Variants in EXOC6B observed in about 807,000 individuals in gnomAD.
EXOC6B encodes exocyst complex component 6B.
A neutral mutation model predicts 113.5 loss-of-function variants in EXOC6B; 54 were observed. That is an observed-to-expected ratio of 0.48 (90% CI 0.38 to 0.60). The LOEUF is 0.60. Among genes scored for constraint, EXOC6B ranks in the 20% least tolerant of loss-of-function variants. The pLI is 0.00. For missense variants in EXOC6B, 797 were observed against 977.5 expected (o/e 0.82, Z 2.46); for synonymous variants, 357 against 339.0 (o/e 1.05, Z -0.58).
intron 8 of EXOC6B, among the ~76,000 whole-genome samples, chr2:72,538,925 G>A (rs1702447684): frequency 6.6e-6 from 1 of 152,142 alleles, no homozygotes; most frequent in South Asian, 2.1e-4. Flanking sequence ...CTCTATGGAT[G>A]AGCCGCTTGA....
At chr2:72,507,604 A>G (rs1233988548) in intron 11 of EXOC6B, among the ~76,000 whole-genome samples, 1 of 152,108 alleles carries the variant, frequency 6.6e-6, no homozygotes, top group Admixed American at 6.6e-5. Context: ...ATGAAACTCC[A>G]TACATACCCT....
At chr2:72,824,277 T>C (rs113404038) in intron 1 of EXOC6B, among the ~76,000 whole-genome samples, 2,948 of 152,044 alleles carry the variant, frequency 0.019, 48 homozygotes, top group Non-Finnish European at 0.03. Flanking sequence ...TAGTCCCAGC[T>C]ACTCAGGAGG....
At chr2:72,322,638 A>G (rs1687901094) in intron 20 of EXOC6B, among the ~76,000 whole-genome samples, 2 of 152,224 alleles carry the variant, frequency 1.3e-5, no homozygotes, top group Non-Finnish European at 2.9e-5. Flanking sequence ...GTACCAAAAC[A>G]GATATATAGA....
At chr2:72,413,043 C>G (rs937600089) in intron 18 of EXOC6B, among the ~76,000 whole-genome samples, 3 of 152,200 alleles carry the variant, frequency 2.0e-5, no homozygotes, top group Admixed American at 1.3e-4. Flanking sequence ...ACTGCAGGCT[C>G]CGCCTCCCGG....
At chr2:72,682,673 G>A (rs2104550474) in intron 6 of EXOC6B, among the ~76,000 whole-genome samples, 1 of 152,218 alleles carries the variant, frequency 6.6e-6, no homozygotes, top group South Asian at 2.1e-4. Flanking sequence ...TAGTGACAAA[G>A]TTACTGAGTA....
intron 16 of EXOC6B, among the ~76,000 whole-genome samples, chr2:72,481,184 TAA>T (rs1029137097): frequency 9.2e-5 from 14 of 152,186 alleles, no homozygotes; most frequent in Non-Finnish European, 1.3e-4. Flanking sequence ...ACCATGATTA[TAA>T]GTTTCCTGAG....
At chr2:72,316,146 T>C (rs988313955) in intron 20 of EXOC6B, among the ~76,000 whole-genome samples, 2 of 152,168 alleles carry the variant, frequency 1.3e-5, no homozygotes, top group African/African-American at 4.8e-5. Context: ...CAAGCATGTA[T>C]TTACATTAAG....
intron 20 of EXOC6B, among the ~76,000 whole-genome samples, chr2:72,303,475 A>T (rs1686655926): frequency 6.6e-6 from 1 of 151,698 alleles, no homozygotes; most frequent in Non-Finnish European, 1.5e-5. Context: ...GTCTTATTTC[A>T]CAGAGCCAGT....
chr2:72,337,176 C>T (rs551787578), intron 19 of EXOC6B, among the ~76,000 whole-genome samples: 7 of 152,086 alleles, frequency 4.6e-5, no homozygotes, highest in Non-Finnish European at 1.0e-4. Context: ...CTATACTATG[C>T]TCCTGTTAAT....
chr2:72,468,261 G>A (rs989719246), intron 17 of EXOC6B, among the ~76,000 whole-genome samples: 2 of 151,300 alleles, frequency 1.3e-5, no homozygotes, highest in Non-Finnish European at 2.9e-5. Context: ...ATATTATTTT[G>A]TAGTAATTTT....
chr2:72,503,064 T>C (rs577982314), intron 11 of EXOC6B, among the ~76,000 whole-genome samples: 6 of 152,324 alleles, frequency 3.9e-5, no homozygotes, highest in South Asian at 4.1e-4. Context: ...TCCATCATTT[T>C]TCCCCTGTTA....
chr2:72,216,455 G>A (rs773402599), intron 20 of EXOC6B, among the ~76,000 whole-genome samples: 2 of 152,186 alleles, frequency 1.3e-5, no homozygotes. Context: ...CTGTTGGTGG[G>A]AATGTAAATT....
intron 1 of EXOC6B, among the ~76,000 whole-genome samples, chr2:72,774,503 T>C (rs575394356): frequency 3.3e-5 from 5 of 152,282 alleles, no homozygotes; most frequent in African/African-American, 9.6e-5. Context: ...TTTTTGAAGT[T>C]ACTAAAAAAA....
intron 16 of EXOC6B, among the ~76,000 whole-genome samples, chr2:72,481,825 A>T (rs1274105927): frequency 6.6e-6 from 1 of 151,232 alleles, no homozygotes; most frequent in Non-Finnish European, 1.5e-5. Flanking sequence ...AGTACTGGTT[A>T]AAAAAAAAGT....
In EXOC6B at chr2:72,461,010, A is replaced by G. The variant is rs187795757; in HGVS notation, c.1980+4150T>C. ...TAAGAAAATGTGGCACATATACACC[A>G]TAGAATACTATGCAGCCATAAAAAA... On this transcript the variant is annotated intron_variant, in intron 18 of 21. Coordinates refer to ENST00000272427, the MANE Select transcript of EXOC6B (RefSeq NM_015189.3). Among the ~76,000 whole-genome samples, 453 of 152,072 alleles carry G rather than the reference A, an allele frequency of 3.0e-3. 4 individuals carry two copies. The highest frequency in any genetic ancestry group is 0.01 in the African/African-American group (426 of 41,460).
At chr2:72,416,332 G>A (rs921714414) in intron 18 of EXOC6B, among the ~76,000 whole-genome samples, 3 of 152,144 alleles carry the variant, frequency 2.0e-5, no homozygotes, top group East Asian at 1.9e-4. Context: ...CAATAGACTC[G>A]CCAAGTCTCA....
chr2:72,519,874 C>T (rs532911270), intron 8 of EXOC6B, among the ~76,000 whole-genome samples: 1 of 152,132 alleles, frequency 6.6e-6, no homozygotes, highest in African/African-American at 2.4e-5. Context: ...AGAGAAAGGG[C>T]TCTAAGAAAT....
chr2:72,760,859 TG>T (rs1682701354), intron 1 of EXOC6B, among the ~76,000 whole-genome samples: 1 of 152,132 alleles, frequency 6.6e-6, no homozygotes, highest in Non-Finnish European at 1.5e-5. Context: ...TGGGTAACTG[TG>T]GAAAGCAAAT....
intron 20 of EXOC6B, among the ~76,000 whole-genome samples, chr2:72,203,183 A>G (rs1679599302): frequency 6.6e-6 from 1 of 152,182 alleles, no homozygotes; most frequent in Non-Finnish European, 1.5e-5. Flanking sequence ...CTGATTTACA[A>G]TGCCTCTTCT....
Sources: gnomAD v4.1 joint callset for allele counts (sites outside exome capture counted in the v4.1 genomes callset) on GRCh38, gnomAD v4.1.1 for gene constraint, MANE v1.5 for transcripts, NCBI Gene and HGNC (gene_info 2026-07-23, HGNC 2026-07-21) for gene names.